Variants in PPL observed in about 807,000 individuals in gnomAD.
PPL encodes the protein 190 kDa paraneoplastic pemphigus antigen.
In PPL, 198 loss-of-function variants were observed where a neutral mutation model predicts 194.4. The ratio of observed to expected loss-of-function variants is 1.02; its 90% CI spans 0.91 to 1.15. The LOEUF is 1.15. PPL is among the 50% of genes most tolerant of loss of function. The probability of loss-of-function intolerance (pLI) is 0.00; values close to 1 mark genes in which losing one functional copy is unlikely to be tolerated. For synonymous variants in PPL, 1,220 were observed against 972.4 expected, an observed-to-expected ratio of 1.25 and a Z score of -4.74; for missense variants, 2,885 against 2,294.8, an observed-to-expected ratio of 1.26 and a Z score of -5.25.
At chr16:4,889,544 A>G (rs1383064246) in intron 18 of PPL, among the ~76,000 whole-genome samples, 1 of 152,076 alleles carries the variant, frequency 6.6e-6, no homozygotes, top group Non-Finnish European at 1.5e-5. Context: ...GGTGTGAGCC[A>G]CCGCGCCCAG....
chr16:4,909,082 G>A (rs1228514843), intron 2 of PPL, among the ~76,000 whole-genome samples: 1 of 152,150 alleles, frequency 6.6e-6, no homozygotes, highest in Non-Finnish European at 1.5e-5. Flanking sequence ...AGGGAGGCAG[G>A]AGGTGGAGGC....
intron 1 of PPL, among the ~76,000 whole-genome samples, chr16:4,912,803 G>C (rs2088843600): frequency 1.3e-5 from 2 of 152,188 alleles, no homozygotes; most frequent in South Asian, 4.1e-4. Flanking sequence ...TCTTCTCAGA[G>C]CGCCTGAAAG....
chr16:4,930,558 G>A (rs904561275), intron 1 of PPL, among the ~76,000 whole-genome samples: 7 of 152,160 alleles, frequency 4.6e-5, no homozygotes, highest in Admixed American at 3.9e-4. Context: ...CATTCAGCAC[G>A]CGTGTAGCAC....
At chr16:4,911,781 G>A (rs571614815) in intron 1 of PPL, among the ~76,000 whole-genome samples, 5 of 151,274 alleles carry the variant, frequency 3.3e-5, no homozygotes, top group South Asian at 2.1e-4. Flanking sequence ...CAAGCAATTC[G>A]TCCACCTTGG....
intron 19 of PPL, 137 bp downstream of exon 19, chr16:4,888,841 G>T: frequency 1.2e-6 from 1 of 806,036 alleles, no homozygotes; most frequent in Non-Finnish European, 2.2e-6. Flanking sequence ...GTGCCAGTTT[G>T]CACAGCAGCC....
chr16:4,898,111 C>A (rs138550551), intron 8 of PPL, among the ~76,000 whole-genome samples: 5,124 of 152,284 alleles, frequency 0.034, 128 homozygotes, highest in Middle Eastern at 0.092. Context: ...GGCATGGTGG[C>A]TCACACCTGT....
intron 6 of PPL, among the ~76,000 whole-genome samples, chr16:4,900,363 G>A (rs1209850494): frequency 2.0e-5 from 3 of 150,118 alleles, no homozygotes; most frequent in Admixed American, 1.3e-4. Context: ...CCTTGCAGCC[G>A]CTCAGGAAAA....
intron 1 of PPL, among the ~76,000 whole-genome samples, chr16:4,918,828 C>G (rs890853783): frequency 2.6e-5 from 4 of 152,178 alleles, no homozygotes; most frequent in Non-Finnish European, 4.4e-5. Context: ...GCTAGGAAGC[C>G]AGCAGGAATG....
chr16:4,887,908 T>C (rs2734743), intron 20 of PPL, among the ~76,000 whole-genome samples, 194 bp downstream of exon 20: 131,747 of 152,238 alleles, frequency 0.87, 60,265 homozygotes, highest in East Asian at 1. Flanking sequence ...GCTGTCTTTC[T>C]AGGCATATTG....
Position 4,883,298 on chromosome 16 carries a change from G to A in PPL, c.*86C>T, listed in dbSNP as rs2088135375. Reference sequence around the variant, plus strand: ...TATAAAATGCTTGGCCTGCACCAGGGCAAGGGAGAGGACGACACCAAGGAG... The same window carrying A: ...TATAAAATGCTTGGCCTGCACCAGGACAAGGGAGAGGACGACACCAAGGAG... On this transcript the variant is annotated 3_prime_UTR_variant, in exon 22 of 22. Coordinates refer to ENST00000345988, the MANE Select transcript of PPL (RefSeq NM_002705.5). The surrounding 1 kb of genome is among the most constrained non-coding windows in gnomAD (Gnocchi z 4.8). The A allele has an allele frequency of 1.9e-6, 3 of 1,576,808 alleles. No individual in the cohort carries two copies. The highest frequency in any genetic ancestry group is 2.6e-6 in the Non-Finnish European group (3 of 1,161,918).
At chr16:4,897,005 T>G (rs2088443292) in intron 9 of PPL, among the ~76,000 whole-genome samples, 1 of 152,018 alleles carries the variant, frequency 6.6e-6, no homozygotes, top group Admixed American at 6.6e-5. Flanking sequence ...TGCATAACAT[T>G]GCGAATGCAA....
chr16:4,886,196 T>G, intron 21 of PPL, 149 bp from the exon 22 acceptor site: 4 of 976,076 alleles, frequency 4.1e-6, no homozygotes, highest in South Asian at 3.3e-5. Context: ...TAGGGTTACT[T>G]TCAAAAAGGA....
intron 12 of PPL, among the ~76,000 whole-genome samples, 160 bp downstream of exon 12, chr16:4,894,307 G>A (rs2083891207): frequency 6.6e-6 from 1 of 152,214 alleles, no homozygotes; most frequent in East Asian, 1.9e-4. Context: ...CCCACAATCT[G>A]CCCCTCTCCT....
At chr16:4,886,193 A>G in intron 21 of PPL, 146 bp from the exon 22 acceptor site, 1 of 1,006,796 alleles carries the variant, frequency 9.9e-7, no homozygotes, top group Non-Finnish European at 1.4e-6. Flanking sequence ...TTCTAGGGTT[A>G]CTTTCAAAAA....
In PPL at chr16:4,885,055, T is replaced by G. The variant is rs1413478465; in HGVS notation, c.3600A>C (p.Arg1200=). Residue 1200 remains arginine (R), a synonymous_variant, in exon 22 of 22, where the codon CGA becomes CGC. Transcript: ENST00000345988. This position sits in a 1 kb window ranked among gnomAD's most constrained non-coding sequence, Gnocchi z 6.3. ...NLRLELVEQE[R]KYRGAEEQLR... is the part of the protein sequence containing the mutation. ...GCTGCTCCTCGGCACCCCGGTACTT[T>G]CGCTCCTGCTCCACAAGCTCCAGGC... The G allele has an allele frequency of 5.0e-6, 8 of 1,613,538 alleles. No homozygotes were observed. The Admixed American group carries it at 5.0e-5, about 10-fold the overall frequency.
chr16:4,885,495 C>G lies in PPL; in HGVS notation c.3160G>C (p.Glu1054Gln). Reference protein sequence around the residue: ...EKSRAQEKVTEKEVVKLQNDP... With the variant: ...EKSRAQEKVTQKEVVKLQNDP... ...TTCTGCAGTTTCACCACCTCTTTCT[C>G]TGTGACCTTCTCCTGCGCCCGGCTC... The change falls in exon 22 of 22, where the codon GAG (glutamate) becomes CAG (glutamine). Residue 1054 changes from glutamate (E) to glutamine (Q), a missense_variant. Coordinates refer to ENST00000345988, the MANE Select transcript of PPL (RefSeq NM_002705.5). The surrounding 1 kb of genome is among the most constrained non-coding windows in gnomAD (Gnocchi z 6.3). The G allele has an allele frequency of 4.3e-6, 7 of 1,612,072 alleles. No homozygotes were observed. Among genetic ancestry groups the G allele is most frequent in the Non-Finnish European group, 5.9e-6 (7 of 1,179,982 alleles).
intron 2 of PPL, among the ~76,000 whole-genome samples, chr16:4,906,356 C>T (rs1019093460): frequency 6.6e-6 from 1 of 152,128 alleles, no homozygotes; most frequent in African/African-American, 2.4e-5. Context: ...TCCCAAGTAA[C>T]TGGGACTGCA....
At chr16:4,895,482 T>C (rs1422388995) in intron 10 of PPL, 75 bp from the exon 11 acceptor site, 1 of 1,602,740 alleles carries the variant, frequency 6.2e-7, no homozygotes. Context: ...GAGCAGGGGC[T>C]GGATTCAGCA....
chr16:4,929,955 T>C (rs1278352729), intron 1 of PPL, among the ~76,000 whole-genome samples: 1 of 152,056 alleles, frequency 6.6e-6, no homozygotes, highest in African/African-American at 2.4e-5. Context: ...CCCAAAGCGC[T>C]AGGACAAGTG....
Sources: allele counts gnomAD v4.1 joint callset (sites outside exome capture counted in the v4.1 genomes callset), GRCh38; gene constraint gnomAD v4.1.1; non-coding constraint Gnocchi (gnomAD v3.1); transcripts MANE v1.5; gene names NCBI Gene and HGNC (gene_info 2026-07-23, HGNC 2026-07-21).